The following NID1 variants were observed in gnomAD, a reference collection of about 807,000 sequenced individuals.
The protein encoded by NID1 is nidogen-1.
NID1 carries 76 observed loss-of-function variants against 130.6 expected under a neutral mutation model. That is an observed-to-expected ratio of 0.58 (90% CI 0.48 to 0.70). The LOEUF (loss-of-function observed/expected upper bound fraction) is 0.70, where lower values mean the gene tolerates loss of function less well. Ranked by LOEUF, NID1 falls within the 30% of genes least tolerant of loss-of-function variation. NID1 has a pLI of 0.00. For missense variants in NID1, 1,517 were observed against 1,664.8 expected (o/e 0.91, Z 1.54); for synonymous variants, 665 against 675.1 (o/e 0.98, Z 0.23).
intron 17 of NID1, 148 bp from the exon 18 acceptor site, chr1:235,980,093 A>C: frequency 1.0e-6 from 1 of 966,660 alleles, no homozygotes; most frequent in Non-Finnish European, 1.6e-6. Context: ...GCTCTTAAAA[A>C]CTGGCAAGTT....
In NID1 at chr1:236,017,148, C is replaced by A; in HGVS notation, c.2254G>T (p.Ala752Ser). 2 of 1,613,938 alleles carry A rather than the reference C, an allele frequency of 1.2e-6. No homozygotes were observed. The highest frequency in any genetic ancestry group is 1.7e-6 in the Non-Finnish European group (2 of 1,179,880). The change falls in exon 10 of 20, where the codon GCT (alanine) becomes TCT (serine). Residue 752 changes from alanine (A) to serine (S), a missense_variant and splice_region_variant. Physicochemically the swap from Ala to Ser is moderately conservative, Grantham distance 99. Around this residue, in one of 3 missense-constraint regions of NID1, gnomAD observed 1,329 missense variants for 1,429.2 expected, o/e 0.93. Transcript: ENST00000264187. Reference protein sequence around the residue: ...YQFSDEGTCVAVVDQRPINYC... With the variant: ...YQFSDEGTCVSVVDQRPINYC... ...TCGAAAAGTTACCTGGAGAACTTAC[C>A]CACACACGTTCCCTCATCTGAAAAC...
chr1:235,980,405 G>C lies in NID1; in HGVS notation c.3385+91C>G. The C allele has an allele frequency of 5.3e-6, 7 of 1,318,454 alleles. No homozygotes were observed. In the South Asian group the frequency reaches 8.1e-5, roughly 15 times the overall value. 81.7% of individuals were successfully genotyped at this position (1,318,454 alleles called of 1,614,324 possible). On this transcript the variant is annotated intron_variant, in intron 17 of 19. Transcript: ENST00000264187. ...CTTCTGGGTTATATAAAAACAGGTG[G>C]CTGGTTAGATTTGACCCCAGGGCCC...
intron 12 of NID1, among the ~76,000 whole-genome samples, chr1:236,002,005 G>A (rs1658089272): frequency 6.6e-6 from 1 of 152,228 alleles, no homozygotes; most frequent in Non-Finnish European, 1.5e-5. Context: ...AGTGTTATAA[G>A]CATTTAGTGA....
rs1415458801 is a variant in NID1 at position 236,013,297 on chromosome 1, G to A, written c.2404+114C>T. The stretch of plus-strand genomic sequence containing the variant: ...AGCAACACATTTACTCTGTGGAGAT[G>A]ACAGAAGAATTCTTTCTTCTATTTG... On this transcript the variant is annotated intron_variant, in intron 11 of 19. Transcript: ENST00000264187. The A allele has an allele frequency of 2.6e-6, 3 of 1,138,092 alleles. No individual in the cohort carries two copies. In the East Asian group the frequency reaches 7.1e-5, roughly 27 times the overall value. 70.5% of individuals were successfully genotyped at this position (1,138,092 alleles called of 1,614,324 possible).
At chr1:236,000,002 T>C (rs892518573) in intron 12 of NID1, among the ~76,000 whole-genome samples, 3 of 151,896 alleles carry the variant, frequency 2.0e-5, no homozygotes, top group African/African-American at 7.3e-5. Context: ...TCACTTGAGG[T>C]CAGGAGTTTG....
chr1:236,007,643 C>T (rs1201515975), intron 12 of NID1, among the ~76,000 whole-genome samples: 1 of 152,182 alleles, frequency 6.6e-6, no homozygotes, highest in Non-Finnish European at 1.5e-5. Context: ...CTTGAAGACA[C>T]TTAGCCATCC....
At position 235,978,477 on chromosome 1, in the gene NID1, G is replaced by C. The variant is rs188992013; in HGVS notation, c.3623-489C>G. On this transcript the variant is annotated intron_variant, in intron 19 of 19. Coordinates refer to ENST00000264187, the MANE Select transcript of NID1 (RefSeq NM_002508.3). ...CTGTGAGCTGTGTGACTTGGAGCAA[G>C]TTGCTTCAGTTTGCTTATTTATGAA... Among the ~76,000 whole-genome samples, 3 of 152,272 alleles carry C rather than the reference G, an allele frequency of 2.0e-5. No homozygotes were observed. The East Asian group carries it at 5.8e-4, about 29-fold the overall frequency.
chr1:235,988,564 C>T (rs1657635470), intron 14 of NID1, among the ~76,000 whole-genome samples: 1 of 152,142 alleles, frequency 6.6e-6, no homozygotes, highest in Non-Finnish European at 1.5e-5. Context: ...GGGACTCGAA[C>T]AGATATTTGT....
chr1:236,051,391 C>T (rs538187470), intron 1 of NID1, among the ~76,000 whole-genome samples: 36 of 151,958 alleles, frequency 2.4e-4, no homozygotes, highest in Non-Finnish European at 4.6e-4. Context: ...TCTAAACATG[C>T]CAAAAACTTG....
At chr1:236,062,633 C>CAAAAA (rs56709890) in intron 1 of NID1, among the ~76,000 whole-genome samples, 1 of 104,230 alleles carries the variant, frequency 9.6e-6, no homozygotes. Context: ...GACTCTGTCT[C>CAAAAA]AAAAAAAAAA....
Position 236,038,187 on chromosome 1 carries a change from G to A in NID1, c.1202C>T (p.Ala401Val). Residue 401 changes from alanine (A) to valine (V), a missense_variant, in exon 5 of 20, where the codon GCA becomes GTA. Physicochemically the swap from Ala to Val is moderately conservative, Grantham distance 64. This residue lies in a region of NID1 where 1,329 missense variants were observed against 1,429.2 expected (regional missense o/e 0.93). Transcript: ENST00000264187. ...ANNRHQCSVH[A>V]ECRDYATGFC... ...GCCCGTGGCGTAGTCCCTGCACTCT[G>A]CGTGCACCGAGCACTGGTGTCTGTT... is the stretch of plus-strand genomic sequence containing the variant. 2 of 1,613,710 alleles carry A rather than the reference G, an allele frequency of 1.2e-6. No homozygotes were observed. The highest frequency in any genetic ancestry group is 1.7e-6 in the Non-Finnish European group (2 of 1,179,682).
intron 12 of NID1, among the ~76,000 whole-genome samples, chr1:236,004,918 G>A (rs1475704165): frequency 6.6e-6 from 1 of 152,098 alleles, no homozygotes; most frequent in Non-Finnish European, 1.5e-5. Flanking sequence ...GCTCACGCCT[G>A]TAATCCCAAC....
At chr1:236,001,819 T>C (rs553573020) in intron 12 of NID1, among the ~76,000 whole-genome samples, 16 of 152,366 alleles carry the variant, frequency 1.1e-4, no homozygotes, top group African/African-American at 3.8e-4. Flanking sequence ...CAGTCTCTTC[T>C]GTCACAGTGT....
chr1:235,979,931 C>G lies in NID1; in HGVS notation c.3400G>C (p.Glu1134Gln). The G allele has an allele frequency of 6.2e-7, 1 of 1,614,112 alleles. No homozygotes were observed. Among genetic ancestry groups the G allele is most frequent in the South Asian group, 1.1e-5 (1 of 91,074 alleles). The change falls in exon 18 of 20, where the codon GAA (glutamate) becomes CAA (glutamine). Residue 1134 changes from glutamate to glutamine, a missense_variant. Glu to Gln is a conservative substitution (Grantham distance 29). Around this residue, in one of 3 missense-constraint regions of NID1, gnomAD observed 181 missense variants for 211.3 expected, o/e 0.86. Transcript: ENST00000264187. This position sits in a 1 kb window ranked among gnomAD's most constrained non-coding sequence, Gnocchi z 4.6. ...CWVDAGTNRA[E>Q]CLNPSQPSRR... Reference sequence around the variant, plus strand: ...CTGGGCTGACTGGGGTTCAGGCATTCCGCCCGATTGGTGCCTGTGTGGAGT... The same window carrying G: ...CTGGGCTGACTGGGGTTCAGGCATTGCGCCCGATTGGTGCCTGTGTGGAGT...
At position 235,994,082 on chromosome 1, in the gene NID1, C is replaced by T. The variant is rs1310707218; in HGVS notation, c.2528-210G>A. Among the ~76,000 whole-genome samples, 3 of 152,326 alleles carry T rather than the reference C, an allele frequency of 2.0e-5. No individual in the cohort carries two copies. The East Asian group carries it at 5.8e-4, about 29-fold the overall frequency. On this transcript the variant is annotated intron_variant, in intron 12 of 19. Coordinates refer to ENST00000264187, the MANE Select transcript of NID1 (RefSeq NM_002508.3). The stretch of plus-strand genomic sequence containing the variant: ...AAATGATATTTACATCTCCTTTATA[C>T]TCCTAGGTAGTTCCTTTTAAAACAC...
At chr1:236,012,129 TC>T (rs1658446167) in intron 11 of NID1, 86 bp from the exon 12 acceptor site, 1 of 1,529,786 alleles carries the variant, frequency 6.5e-7, no homozygotes, top group Admixed American at 1.8e-5. Flanking sequence ...CTTACTCAAA[TC>T]TATGGGAACC....
Position 236,029,746 on chromosome 1 carries a change from A to G in NID1, c.1542T>C (p.Gly514=). 6.2e-7 allele frequency: 1 copy of G among 1,613,938 alleles called. No individual in the cohort carries two copies. The highest frequency in any genetic ancestry group is 1.3e-5 in the African/African-American group (1 of 75,000). ...GFKNGFSITG[G]EFTRQAEVTF... is the part of the protein sequence containing the mutation. ...TCACCTCAGCCTGGCGAGTGAACTC[A>G]CCCCCTGAAAAACAAGATGAGACTG... The change falls in exon 7 of 20, where the codon GGT becomes GGC. Residue 514 remains glycine, a synonymous_variant. Coordinates refer to ENST00000264187, the MANE Select transcript of NID1 (RefSeq NM_002508.3).
In NID1 at chr1:236,032,606, C is replaced by G. The variant is rs1292988310; in HGVS notation, c.1332G>C (p.Val444=). The G allele has an allele frequency of 1.2e-6, 2 of 1,614,022 alleles. No individual in the cohort carries two copies. Among genetic ancestry groups the G allele is most frequent in the African/African-American group, 2.7e-5 (2 of 74,914 alleles). The part of the protein sequence containing the change: ...VNGKVKGRIF[V]GSSQVPIVFE... ...AGACAATGGGGACCTGGCTGCTCCC[C>G]ACAAAGATCCTTCCTTTCACCTTGC... Residue 444 remains valine (V), a synonymous_variant, in exon 6 of 20, where the codon GTG becomes GTC. Coordinates refer to ENST00000264187, the MANE Select transcript of NID1 (RefSeq NM_002508.3).
intron 12 of NID1, among the ~76,000 whole-genome samples, chr1:236,001,514 A>G (rs2102807998): frequency 6.6e-6 from 1 of 152,324 alleles, no homozygotes; most frequent in Non-Finnish European, 1.5e-5. Flanking sequence ...TTACAAGTCA[A>G]GGGGGCAATG....
Sources: gnomAD v4.1 joint callset for allele counts (sites outside exome capture counted in the v4.1 genomes callset) on GRCh38, gnomAD v4.1.1 for gene constraint, gnomAD v4.1.1 regional missense constraint, Gnocchi (gnomAD v3.1) non-coding constraint, MANE v1.5 for transcripts, NCBI Gene and HGNC (gene_info 2026-07-23, HGNC 2026-07-21) for gene names.